ABCC4: variants seen among roughly 807,000 people sequenced by gnomAD.
The protein encoded by ABCC4 is ATP binding cassette subfamily C member 4 (PEL blood group), also known as ATP-binding cassette sub-family C member 4.
In ABCC4, 102 loss-of-function variants were observed where a neutral mutation model predicts 168.5. That is an observed-to-expected ratio of 0.61 (90% CI 0.52 to 0.71). The LOEUF (loss-of-function observed/expected upper bound fraction) is 0.71, where lower values mean the gene tolerates loss of function less well. ABCC4 is among the 30% of genes least tolerant of loss of function. ABCC4 has a pLI of 0.00. For missense variants in ABCC4, 1,402 were observed against 1,605.8 expected, an observed-to-expected ratio of 0.87 and a Z score of 2.17; for synonymous variants, 617 against 590.7, an observed-to-expected ratio of 1.04 and a Z score of -0.65.
intron 19 of ABCC4, among the ~76,000 whole-genome samples, chr13:95,124,934 C>T (rs2035705365): frequency 1.3e-5 from 2 of 151,242 alleles, no homozygotes; most frequent in East Asian, 1.9e-4. Flanking sequence ...ACATCCTAAC[C>T]CAGACCATTT....
intron 20 of ABCC4, among the ~76,000 whole-genome samples, chr13:95,114,598 G>A (rs1472978408): frequency 6.6e-6 from 1 of 152,186 alleles, no homozygotes; most frequent in Non-Finnish European, 1.5e-5. Flanking sequence ...AGAGGTCCTT[G>A]TTTGCAGTAA....
chr13:95,269,340 T>G (rs1423609878), intron 1 of ABCC4: 5 of 454,960 alleles, frequency 1.1e-5, no homozygotes, highest in Non-Finnish European at 1.3e-5. Flanking sequence ...GCAGGAGGAC[T>G]GCTTGAACAC....
intron 1 of ABCC4, among the ~76,000 whole-genome samples, chr13:95,263,797 T>C (rs944866450): frequency 6.7e-6 from 1 of 149,708 alleles, no homozygotes; most frequent in Non-Finnish European, 1.5e-5. Flanking sequence ...TACTTCAGCC[T>C]GGGTAACAGA....
chr13:95,029,373 T>C lies in ABCC4; in HGVS notation c.3870+5232A>G, dbSNP rs544497848. Among the ~76,000 whole-genome samples the C allele has an allele frequency of 2.6e-5, 4 of 151,740 alleles. No homozygotes were observed. In the South Asian group the frequency reaches 8.3e-4, roughly 32 times the overall value. On this transcript the variant is annotated intron_variant, in intron 30 of 30. Coordinates refer to ENST00000645237, the MANE Select transcript of ABCC4 (RefSeq NM_005845.5). ...ATATTAAGTGAAAAACCGTAAAGAA[T>C]AGCTATTATTTGTGCTCAAAAACCA...
chr13:95,032,429 C>T (rs2031917696), intron 30 of ABCC4, among the ~76,000 whole-genome samples: 1 of 152,172 alleles, frequency 6.6e-6, no homozygotes, highest in African/African-American at 2.4e-5. Flanking sequence ...TGACTAGGGG[C>T]ATGTTTAATG....
At chr13:95,281,965 G>T (rs538770988) in intron 1 of ABCC4, among the ~76,000 whole-genome samples, 1 of 152,048 alleles carries the variant, frequency 6.6e-6, no homozygotes, top group African/African-American at 2.4e-5. Context: ...AAATTACCCG[G>T]ATGTGGTAGC....
intron 4 of ABCC4, among the ~76,000 whole-genome samples, chr13:95,221,849 AAGG>A (rs2039319013): frequency 1.3e-5 from 2 of 152,242 alleles, no homozygotes; most frequent in African/African-American, 4.8e-5. Flanking sequence ...GTCCTGGGGA[AAGG>A]AATGCAGAGC....
At chr13:95,084,637 G>C (rs1413572412) in intron 20 of ABCC4, among the ~76,000 whole-genome samples, 1 of 151,858 alleles carries the variant, frequency 6.6e-6, no homozygotes, top group Non-Finnish European at 1.5e-5. Context: ...TGTCTAACAG[G>C]GTTTTTTTTT....
chr13:95,064,185 T>C (rs902936244), intron 25 of ABCC4, among the ~76,000 whole-genome samples: 3 of 150,832 alleles, frequency 2.0e-5, no homozygotes, highest in Non-Finnish European at 4.4e-5. Flanking sequence ...TATTCTACCT[T>C]ATGGTAAATC....
intron 19 of ABCC4, among the ~76,000 whole-genome samples, chr13:95,117,178 C>A (rs1464303527): frequency 6.6e-6 from 1 of 151,756 alleles, no homozygotes; most frequent in Non-Finnish European, 1.5e-5. Flanking sequence ...TTGGCAGGCC[C>A]AGTGACAACT....
At chr13:95,231,004 T>A (rs978831339) in intron 4 of ABCC4, among the ~76,000 whole-genome samples, 1 of 152,206 alleles carries the variant, frequency 6.6e-6, no homozygotes, top group African/African-American at 2.4e-5. Flanking sequence ...CCTGAAGACC[T>A]TATGCTACAT....
Position 95,021,392 on chromosome 13 carries a change from T to A in ABCC4, c.*183A>T, listed in dbSNP as rs1593948858. 2.2e-5 allele frequency: 12 copies of A among 535,422 alleles called. 1 individual carries two copies. In the East Asian group the frequency reaches 3.3e-4, roughly 15 times the overall value. The allele number at this position is 535,422 out of a possible 1,614,324, so 33.2% of individuals were successfully genotyped here. Reference sequence around the variant, plus strand: ...TAAAAAACAACTATTGACATTTAAATAAAAATAAACCATTTTGTTAGAGCT... The same window carrying A: ...TAAAAAACAACTATTGACATTTAAAAAAAAATAAACCATTTTGTTAGAGCT... On this transcript the variant is annotated 3_prime_UTR_variant, in exon 31 of 31. Transcript: ENST00000645237.
At chr13:95,299,831 A>C (rs2041629362) in intron 1 of ABCC4, among the ~76,000 whole-genome samples, 1 of 151,866 alleles carries the variant, frequency 6.6e-6, no homozygotes, top group Non-Finnish European at 1.5e-5. Flanking sequence ...AGCAGACGGA[A>C]TTCCCCCACA....
intron 1 of ABCC4, among the ~76,000 whole-genome samples, chr13:95,249,368 T>C (rs1272393887): frequency 6.6e-6 from 1 of 152,212 alleles, no homozygotes; most frequent in Admixed American, 6.5e-5. Context: ...TGTTTTATTT[T>C]AACATGGGGA....
intron 22 of ABCC4, among the ~76,000 whole-genome samples, chr13:95,074,622 T>C (rs1177256702): frequency 1.3e-5 from 2 of 152,236 alleles, no homozygotes; most frequent in Non-Finnish European, 2.9e-5. Flanking sequence ...GAAATACTTA[T>C]GTGAAGTGCA....
At chr13:95,296,715 G>C (rs1025467828) in intron 1 of ABCC4, among the ~76,000 whole-genome samples, 1 of 152,160 alleles carries the variant, frequency 6.6e-6, no homozygotes, top group Non-Finnish European at 1.5e-5. Context: ...GGTGTGGGCA[G>C]AGGAATGCAA....
chr13:95,138,391 T>TA (rs1275304018), intron 19 of ABCC4, among the ~76,000 whole-genome samples: 5 of 152,180 alleles, frequency 3.3e-5, no homozygotes, highest in Non-Finnish European at 5.9e-5. Context: ...AGTAAGAAGA[T>TA]AGACTTTGCT....
intron 26 of ABCC4, among the ~76,000 whole-genome samples, chr13:95,056,464 C>G (rs1024132538): frequency 6.6e-6 from 1 of 152,078 alleles, no homozygotes; most frequent in East Asian, 1.9e-4. Context: ...GAATTTAAGT[C>G]GTGTAAAGTC....
intron 1 of ABCC4, among the ~76,000 whole-genome samples, chr13:95,290,499 G>A (rs996127348): frequency 7.9e-5 from 12 of 151,990 alleles, no homozygotes; most frequent in Admixed American, 2.6e-4. Context: ...GAGGTCAGGC[G>A]TTCGAGACTA....
Sources: gnomAD v4.1 joint callset for allele counts (sites outside exome capture counted in the v4.1 genomes callset) on GRCh38, gnomAD v4.1.1 for gene constraint, MANE v1.5 for transcripts, NCBI Gene and HGNC (gene_info 2026-07-23, HGNC 2026-07-21) for gene names.